C12orf42: variants seen among roughly 807,000 people sequenced by gnomAD.
The protein encoded by C12orf42 is uncharacterized protein C12orf42.
Under a neutral mutation model 21.6 loss-of-function variants are expected in C12orf42, and 25 were observed. That is an observed-to-expected ratio of 1.16 (90% CI 0.84 to 1.62). C12orf42 has a LOEUF of 1.62. Ranked by LOEUF, C12orf42 falls within the 40% of genes most tolerant of loss-of-function variation. C12orf42 has a pLI of 0.00. For synonymous variants in C12orf42, 174 were observed against 175.0 expected, an observed-to-expected ratio of 0.99 and a Z score of 0.05; for missense variants, 483 against 459.3, an observed-to-expected ratio of 1.05 and a Z score of -0.47.
the C12orf42 span, among the ~76,000 whole-genome samples, chr12:103,184,672 A>T: frequency 6.6e-6 from 1 of 150,902 alleles, no homozygotes; most frequent in East Asian, 2.0e-4. Context: ...ATGGGGGCAG[A>T]TGATTACACA....
chr12:103,394,013 T>A (rs1266946783), intron 3 of C12orf42, among the ~76,000 whole-genome samples: 1 of 152,206 alleles, frequency 6.6e-6, no homozygotes, highest in African/African-American at 2.4e-5. Flanking sequence ...TCTGGGCCAA[T>A]TATTAGTAGT....
chr12:103,555,125 C>T, the C12orf42 span, among the ~76,000 whole-genome samples: 2 of 152,134 alleles, frequency 1.3e-5, no homozygotes, highest in African/African-American at 4.8e-5. Flanking sequence ...GTTCCTGGGT[C>T]CCACCCTCAG....
chr12:103,436,837 A>G (rs1950761350), intron 2 of C12orf42, among the ~76,000 whole-genome samples: 1 of 150,846 alleles, frequency 6.6e-6, no homozygotes, highest in Non-Finnish European at 1.5e-5. Flanking sequence ...TCAACATTAG[A>G]CAGATCAATG....
chr12:103,461,236 A>C (rs1404230151), intron 2 of C12orf42, among the ~76,000 whole-genome samples: 1 of 152,220 alleles, frequency 6.6e-6, no homozygotes, highest in Non-Finnish European at 1.5e-5. Flanking sequence ...CTGGCAGTCT[A>C]ATCACTTAGC....
chr12:103,529,598 G>T, the C12orf42 span, among the ~76,000 whole-genome samples: 1 of 152,188 alleles, frequency 6.6e-6, no homozygotes, highest in African/African-American at 2.4e-5. Flanking sequence ...GATAGTCAGG[G>T]ATGGCGGGAT....
chr12:103,064,394 A>C, the C12orf42 span, among the ~76,000 whole-genome samples: 27 of 152,352 alleles, frequency 1.8e-4, no homozygotes, highest in East Asian at 5.2e-3. Flanking sequence ...GCAAAGCACC[A>C]ATCAGAATAG....
At chr12:103,128,224 G>A in the C12orf42 span, among the ~76,000 whole-genome samples, 3 of 152,128 alleles carry the variant, frequency 2.0e-5, no homozygotes, top group Non-Finnish European at 4.4e-5. Context: ...ACCTGCTAAG[G>A]AAAGCATGGA....
At chr12:103,556,618 T>A in the C12orf42 span, among the ~76,000 whole-genome samples, 3 of 152,236 alleles carry the variant, frequency 2.0e-5, no homozygotes, top group African/African-American at 7.2e-5. Flanking sequence ...AAATGTTCAT[T>A]AGCTACATTT....
chr12:103,296,856 T>C (rs1278732591), intron 4 of C12orf42, among the ~76,000 whole-genome samples: 1 of 152,232 alleles, frequency 6.6e-6, no homozygotes, highest in Non-Finnish European at 1.5e-5. Flanking sequence ...AGAAGCTTTT[T>C]AGTTTAATTA....
At chr12:103,348,064 A>G (rs923726910) in intron 4 of C12orf42, among the ~76,000 whole-genome samples, 1 of 152,214 alleles carries the variant, frequency 6.6e-6, no homozygotes, top group African/African-American at 2.4e-5. Flanking sequence ...ATATCAATAT[A>G]TCAATAAAAC....
At chr12:103,105,700 T>TGAAAA in the C12orf42 span, among the ~76,000 whole-genome samples, 547 of 152,230 alleles carry the variant, frequency 3.6e-3, 1 homozygote, top group African/African-American at 0.012. Context: ...AGACAGTAGA[T>TGAAAA]TAGAAGAAAA....
chr12:103,389,129 C>T (rs1003818646), intron 3 of C12orf42, among the ~76,000 whole-genome samples: 2 of 152,118 alleles, frequency 1.3e-5, no homozygotes, highest in South Asian at 2.1e-4. Flanking sequence ...AATAGGGGCT[C>T]TTGAGAGAAA....
chr12:103,346,181 A>G (rs987069834), intron 4 of C12orf42, among the ~76,000 whole-genome samples: 31 of 152,284 alleles, frequency 2.0e-4, no homozygotes, highest in African/African-American at 7.5e-4. Context: ...CACAGTTTTG[A>G]CTGTAATCAC....
At chr12:103,349,136 T>C (rs1179730724) in intron 4 of C12orf42, 1 of 152,186 alleles carries the variant, frequency 6.6e-6, no homozygotes, top group Non-Finnish European at 1.5e-5. Context: ...AGGGGAAGTC[T>C]GCTGAGAACT....
intron 3 of C12orf42, among the ~76,000 whole-genome samples, chr12:103,392,430 C>T (rs2047157604): frequency 6.6e-6 from 1 of 152,162 alleles, no homozygotes; most frequent in Non-Finnish European, 1.5e-5. Context: ...GTAGTACTAT[C>T]ATATTAATGT....
At chr12:103,401,266 A>T (rs978126287) in intron 3 of C12orf42, among the ~76,000 whole-genome samples, 1 of 152,164 alleles carries the variant, frequency 6.6e-6, no homozygotes, top group Non-Finnish European at 1.5e-5. Context: ...ATGGTAAGAT[A>T]AAATTATTGC....
the C12orf42 span, among the ~76,000 whole-genome samples, chr12:103,533,183 A>G: frequency 1.3e-5 from 2 of 152,242 alleles, no homozygotes; most frequent in East Asian, 1.9e-4. Flanking sequence ...AATAATTGCT[A>G]TACTTACCAA....
chr12:103,249,071 C>T (rs1008479455), intron 10 of C12orf42, among the ~76,000 whole-genome samples: 9 of 151,806 alleles, frequency 5.9e-5, no homozygotes, highest in Non-Finnish European at 1.2e-4. Context: ...TAGAGATGAC[C>T]ACAGAGTGGA....
At chr12:103,224,634 G>A in the C12orf42 span, among the ~76,000 whole-genome samples, 1 of 152,224 alleles carries the variant, frequency 6.6e-6, no homozygotes, top group Non-Finnish European at 1.5e-5. Flanking sequence ...AAGGAGCCGG[G>A]GAGCAGAAAG....
Sources: allele counts gnomAD v4.1 joint callset (sites outside exome capture counted in the v4.1 genomes callset), GRCh38; gene constraint gnomAD v4.1.1; transcripts MANE v1.5; gene names NCBI Gene and HGNC (gene_info 2026-07-23, HGNC 2026-07-21).